NAP1L1: variants seen among roughly 807,000 people sequenced by gnomAD.
NAP1L1 encodes the protein nucleosome assembly protein 1-like 1.
A neutral mutation model predicts 58.9 loss-of-function variants in NAP1L1; 9 were observed. The observed-to-expected ratio is 0.15, with a 90% CI of 0.09 to 0.27. The LOEUF is 0.27. Ranked by LOEUF, NAP1L1 falls within the 10% of genes least tolerant of loss-of-function variation. The pLI, the probability that NAP1L1 is intolerant of heterozygous loss-of-function variation, is 1.00. For synonymous variants in NAP1L1, 130 were observed against 138.3 expected (o/e 0.94, Z 0.42); for missense variants, 302 against 458.8 (o/e 0.66, Z 3.12).
At chr12:76,062,224 T>C (rs1014464318) in intron 4 of NAP1L1, among the ~76,000 whole-genome samples, 3 of 152,132 alleles carry the variant, frequency 2.0e-5, no homozygotes, top group African/African-American at 4.8e-5. Flanking sequence ...GAATGATGAA[T>C]TGACAACCAA....
At chr12:76,078,392 G>A (rs2137107576) in intron 1 of NAP1L1, among the ~76,000 whole-genome samples, 1 of 152,156 alleles carries the variant, frequency 6.6e-6, no homozygotes, top group Admixed American at 6.5e-5. Flanking sequence ...TCAGACACCT[G>A]TATATCAAAA....
intron 6 of NAP1L1, chr12:76,057,736 A>G (rs1218441512): frequency 6.5e-7 from 1 of 1,549,136 alleles, no homozygotes. Context: ...TGAATATGCA[A>G]AACTTACTGT....
chr12:76,077,586 CAGTG>C (rs1307265703), intron 1 of NAP1L1, among the ~76,000 whole-genome samples: 11 of 152,108 alleles, frequency 7.2e-5, no homozygotes, highest in Admixed American at 7.2e-4. Flanking sequence ...TAAATAAAAT[CAGTG>C]AGAATCTTAT....
At chr12:76,069,603 G>A (rs147828400) in intron 2 of NAP1L1, among the ~76,000 whole-genome samples, 22 of 152,324 alleles carry the variant, frequency 1.4e-4, no homozygotes, top group Non-Finnish European at 2.5e-4. Context: ...AGAAAAAGGA[G>A]TTAGGAAAAC....
rs1474055884 is a variant in NAP1L1 at position 76,040,753 on chromosome 12, G to A, written c.*7676C>T. ...AAGTTTTGTATTTTTAGTAGAGGCA[G>A]GGTTTCTCCATATTAGCCAGGCTGG... On this transcript the variant is annotated 3_prime_UTR_variant, in exon 15 of 15. Coordinates refer to ENST00000618691, the MANE Select transcript of NAP1L1 (RefSeq NM_004537.7). 6.6e-6 allele frequency: 1 copy of A among 152,146 alleles called. No individual in the cohort carries two copies. The highest frequency in any genetic ancestry group is 1.9e-4 in the East Asian group (1 of 5,192). The allele number at this position is 152,146 out of a possible 1,614,324, so 9.4% of individuals were successfully genotyped here. A position where few individuals can be genotyped will look rare whatever the true frequency, so the allele number is the denominator to read the frequency against.
At chr12:76,053,743 T>C in intron 9 of NAP1L1, 27 bp downstream of exon 9, 1 of 1,594,258 alleles carries the variant, frequency 6.3e-7, no homozygotes, top group East Asian at 2.2e-5. Context: ...AAAAAACATT[T>C]TGTTAAGGTA....
chr12:76,059,623 G>T, intron 6 of NAP1L1, 175 bp downstream of exon 6: 2 of 546,322 alleles, frequency 3.7e-6, no homozygotes, highest in South Asian at 5.0e-5. Flanking sequence ...AATCTTGAAT[G>T]ACTGTTTTTT....
Position 76,038,800 on chromosome 12 carries a change from CAAT to C in NAP1L1, c.*9626_*9628del, listed in dbSNP as rs1481953566. On this transcript the variant is annotated 3_prime_UTR_variant, in exon 15 of 15. Coordinates refer to ENST00000618691, the MANE Select transcript of NAP1L1 (RefSeq NM_004537.7). The stretch of plus-strand genomic sequence containing the variant: ...AATCCCATTAGAACCGCCCCCATCA[CAAT>C]AACTACCTAAGTAAATCATTGTTGA... 6.6e-6 allele frequency: 1 copy of C among 152,182 alleles called. No homozygotes were observed. The highest frequency in any genetic ancestry group is 1.5e-5 in the Non-Finnish European group (1 of 68,020). 9.4% of individuals were successfully genotyped at this position (152,182 alleles called of 1,614,324 possible).
chr12:76,057,298 A>G (rs1949155511), intron 6 of NAP1L1: 1 of 316,132 alleles, frequency 3.2e-6, no homozygotes, highest in East Asian at 7.7e-5. Context: ...TCTTAAACAA[A>G]AAAACTATAA....
At chr12:76,068,409 A>C (rs189396341) in intron 3 of NAP1L1, among the ~76,000 whole-genome samples, 27 of 152,232 alleles carry the variant, frequency 1.8e-4, no homozygotes, top group Non-Finnish European at 2.6e-4. Flanking sequence ...GCGCAGATCT[A>C]CAAGACATAC....
chr12:76,051,948 A>G (rs1333822225), intron 11 of NAP1L1, among the ~76,000 whole-genome samples: 1 of 152,058 alleles, frequency 6.6e-6, no homozygotes, highest in Non-Finnish European at 1.5e-5. Flanking sequence ...CGGGAGGCAG[A>G]GGTTGTGGTG....
At chr12:76,052,030 T>TAATAA (rs1565716527) in intron 11 of NAP1L1, among the ~76,000 whole-genome samples, 1 of 151,478 alleles carries the variant, frequency 6.6e-6, no homozygotes, top group Non-Finnish European at 1.5e-5. Flanking sequence ...AAAATAATAA[T>TAATAA]AATAAAATAA....
intron 3 of NAP1L1, among the ~76,000 whole-genome samples, chr12:76,067,877 C>A (rs1229514812): frequency 3.3e-5 from 5 of 152,106 alleles, no homozygotes; most frequent in Non-Finnish European, 7.4e-5. Context: ...CAGTTTTAGG[C>A]CCAGGAGAAA....
chr12:76,057,403 T>C, intron 6 of NAP1L1: 1 of 467,780 alleles, frequency 2.1e-6, no homozygotes, highest in Admixed American at 3.3e-5. Context: ...AGGAAAAATA[T>C]TTCCTAGGTA....
Position 76,039,140 on chromosome 12 carries a change from CAT to C in NAP1L1, c.*9287_*9288del, listed in dbSNP as rs2136931621. The C allele has an allele frequency of 1.3e-5, 2 of 152,312 alleles. No homozygotes were observed. The highest frequency in any genetic ancestry group is 4.1e-4 in the South Asian group (2 of 4,826). The allele number at this position is 152,312 out of a possible 1,614,324, so 9.4% of individuals were successfully genotyped here. A position where few individuals can be genotyped will look rare whatever the true frequency, so the allele number is the denominator to read the frequency against. Reference sequence around the variant, plus strand: ...CCTTTTCTAAATCAACTTATTTCGACATATGTGGCCAATGTGGCTGTCATCCT... The same window carrying C: ...CCTTTTCTAAATCAACTTATTTCGACATGTGGCCAATGTGGCTGTCATCCT... On this transcript the variant is annotated 3_prime_UTR_variant, in exon 15 of 15. Coordinates refer to ENST00000618691, the MANE Select transcript of NAP1L1 (RefSeq NM_004537.7).
intron 3 of NAP1L1, among the ~76,000 whole-genome samples, chr12:76,067,762 C>T (rs1359235387): frequency 1.3e-5 from 2 of 152,168 alleles, no homozygotes; most frequent in African/African-American, 4.8e-5. Flanking sequence ...GTTTCACCCA[C>T]CTTGCATTTT....
intron 1 of NAP1L1, chr12:76,084,230 G>A (rs1047634599): frequency 6.6e-6 from 1 of 152,256 alleles, no homozygotes; most frequent in Non-Finnish European, 1.5e-5. Context: ...CGGCGCAGCC[G>A]AGTCTCAGGG....
Position 76,054,537 on chromosome 12 carries a change from A to T in NAP1L1, c.630+482T>A, listed in dbSNP as rs551761003. Among the ~76,000 whole-genome samples, 3 of 152,258 alleles carry T rather than the reference A, an allele frequency of 2.0e-5. No homozygotes were observed. The South Asian group carries it at 6.2e-4, about 32-fold the overall frequency. On this transcript the variant is annotated intron_variant, in intron 8 of 14. Coordinates refer to ENST00000618691, the MANE Select transcript of NAP1L1 (RefSeq NM_004537.7). ...ATGTTGCCTCCCTTACTCCCCAACT[A>T]CTGGAGGAATCAGGCTTTTAAATAG...
rs1356381194 is a variant in NAP1L1, at chr12:76,077,988, AAAAAAAAAAAAAAGG to A, written c.-20-3764_-20-3750del. On this transcript the variant is annotated intron_variant, in intron 1 of 14. Transcript: ENST00000618691. ...AGAGCAAGACCCTGTCTCAAAAAAA[AAAAAAAAAAAAAAGG>A]AAAAGAATTAAAAGTACAGATGTTT... Among the ~76,000 whole-genome samples, 7 of 150,384 alleles carry A rather than the reference AAAAAAAAAAAAAAGG, an allele frequency of 4.7e-5. 1 individual carries two copies. The highest frequency in any genetic ancestry group is 1.0e-4 in the Non-Finnish European group (7 of 67,740).
Sources: gnomAD v4.1 joint callset for allele counts (sites outside exome capture counted in the v4.1 genomes callset) on GRCh38, gnomAD v4.1.1 for gene constraint, MANE v1.5 for transcripts, NCBI Gene and HGNC (gene_info 2026-07-23, HGNC 2026-07-21) for gene names.